CADM2: variants seen among roughly 807,000 people sequenced by gnomAD.
The protein encoded by CADM2 is immunoglobulin superfamily member 4D.
CADM2 carries 12 observed loss-of-function variants against 49.8 expected under a neutral mutation model. The observed-to-expected ratio is 0.24, with a 90% confidence interval of 0.15 to 0.39. CADM2 has a LOEUF of 0.39. Ranked by LOEUF, CADM2 falls within the 10% of genes least tolerant of loss-of-function variation. The probability of loss-of-function intolerance (pLI) is 1.00; values close to 1 mark genes in which losing one functional copy is unlikely to be tolerated. For missense variants in CADM2, 378 were observed against 492.3 expected (o/e 0.77, Z 2.20); for synonymous variants, 214 against 175.4 (o/e 1.22, Z -1.74).
At chr3:85,225,829 G>T (rs1397266125) in intron 1 of CADM2, among the ~76,000 whole-genome samples, 2 of 152,082 alleles carry the variant, frequency 1.3e-5, no homozygotes, top group African/African-American at 2.4e-5. Flanking sequence ...AAATTTTGTT[G>T]AAGGCCTTTT....
At chr3:85,490,373 G>C (rs187635883) in intron 1 of CADM2, among the ~76,000 whole-genome samples, 10 of 151,402 alleles carry the variant, frequency 6.6e-5, no homozygotes, top group African/African-American at 2.4e-4. Context: ...TTTTAGAATA[G>C]AGATCATTTT....
chr3:85,069,262 A>G (rs1478733001), intron 1 of CADM2, among the ~76,000 whole-genome samples: 3 of 152,054 alleles, frequency 2.0e-5, no homozygotes, highest in Admixed American at 2.0e-4. Flanking sequence ...ATAATTATAG[A>G]ATTATAATTT....
intron 3 of CADM2, among the ~76,000 whole-genome samples, chr3:85,859,537 T>C (rs1261687551): frequency 2.0e-5 from 3 of 152,148 alleles, no homozygotes; most frequent in Admixed American, 1.3e-4. Flanking sequence ...TGGCCCATCC[T>C]GTGCTTTTCT....
chr3:85,419,131 T>C (rs1284035469), intron 1 of CADM2, among the ~76,000 whole-genome samples: 3 of 152,228 alleles, frequency 2.0e-5, no homozygotes, highest in African/African-American at 4.8e-5. Context: ...AGCCACTCAT[T>C]GCACAACATT....
chr3:85,704,705 C>T (rs1016007279), intron 1 of CADM2, among the ~76,000 whole-genome samples: 6 of 151,622 alleles, frequency 4.0e-5, no homozygotes, highest in African/African-American at 1.5e-4. Flanking sequence ...TAGGCTATAG[C>T]ACCTTAAAAA....
chr3:85,183,088 T>C (rs1348857857), intron 1 of CADM2, among the ~76,000 whole-genome samples: 5 of 152,094 alleles, frequency 3.3e-5, no homozygotes, highest in Non-Finnish European at 5.9e-5. Context: ...GAATCTCCTT[T>C]CCAGATGATG....
chr3:85,411,024 G>T (rs2035631652), intron 1 of CADM2, among the ~76,000 whole-genome samples: 1 of 152,182 alleles, frequency 6.6e-6, no homozygotes, highest in African/African-American at 2.4e-5. Flanking sequence ...CCAATAGAAA[G>T]AATAAGTATT....
At chr3:85,195,075 T>C (rs1402289169) in intron 1 of CADM2, among the ~76,000 whole-genome samples, 2 of 152,040 alleles carry the variant, frequency 1.3e-5, no homozygotes, top group African/African-American at 4.8e-5. Context: ...GTTTAAAATC[T>C]ACTGAAATAT....
At position 85,830,880 on chromosome 3, in the gene CADM2, C is replaced by T. The variant is rs1055522099; in HGVS notation, c.238+28684C>T. ...CAGGCCCAGGGGGTACATGTGCAGG[C>T]TTGTTACATGGATGAATTGCATGCT... On this transcript the variant is annotated intron_variant, in intron 3 of 9. Transcript: ENST00000383699. Among the ~76,000 whole-genome samples the T allele has an allele frequency of 8.0e-5, 12 of 150,588 alleles. No individual in the cohort carries two copies. In the East Asian group the frequency reaches 2.2e-3, roughly 27 times the overall value.
intron 1 of CADM2, among the ~76,000 whole-genome samples, chr3:85,543,677 T>C (rs2061602502): frequency 6.6e-6 from 1 of 152,112 alleles, no homozygotes; most frequent in Admixed American, 6.6e-5. Flanking sequence ...GGGTCACAGT[T>C]CTTGATGCTG....
intron 1 of CADM2, among the ~76,000 whole-genome samples, chr3:85,195,590 CA>C (rs1356969740): frequency 2.7e-5 from 4 of 150,672 alleles, no homozygotes; most frequent in African/African-American, 9.8e-5. Context: ...GTAATTGATT[CA>C]AAAAATGTCA....
At chr3:85,647,411 T>C (rs1396211593) in intron 1 of CADM2, among the ~76,000 whole-genome samples, 1 of 151,678 alleles carries the variant, frequency 6.6e-6, no homozygotes, top group Admixed American at 6.6e-5. Flanking sequence ...TTTTGTGGAA[T>C]ATATATATTT....
chr3:85,928,390 C>G (rs1577687444), intron 6 of CADM2, among the ~76,000 whole-genome samples: 1 of 152,078 alleles, frequency 6.6e-6, no homozygotes, highest in Non-Finnish European at 1.5e-5. Context: ...ATCTCCTGAC[C>G]TCATGATCCG....
chr3:85,225,075 G>T (rs1037017822), intron 1 of CADM2, among the ~76,000 whole-genome samples: 1 of 152,088 alleles, frequency 6.6e-6, no homozygotes, highest in African/African-American at 2.4e-5. Context: ...GATTGTCTTG[G>T]CTATGCTCGC....
intron 5 of CADM2, among the ~76,000 whole-genome samples, chr3:85,896,184 G>A (rs886340916): frequency 6.6e-6 from 1 of 152,114 alleles, no homozygotes; most frequent in African/African-American, 2.4e-5. Context: ...TGCTTGGGAG[G>A]CTGAGGTTGG....
intron 1 of CADM2, among the ~76,000 whole-genome samples, chr3:84,967,851 G>A (rs2107071890): frequency 6.6e-6 from 1 of 152,010 alleles, no homozygotes; most frequent in East Asian, 1.9e-4. Context: ...TGTTACTATT[G>A]CATTTTTTTG....
chr3:85,514,484 G>A lies in CADM2; in HGVS notation c.62-212038G>A, dbSNP rs2060847247. On this transcript the variant is annotated intron_variant, in intron 1 of 9. Transcript: ENST00000383699. ...ATCTTTGAAATGTAAGCAAAAATGTGTTTGTCCTAGGAAGGACATTCAATA... is the reference window on the plus strand; with the variant it reads ...ATCTTTGAAATGTAAGCAAAAATGTATTTGTCCTAGGAAGGACATTCAATA... Among the ~76,000 whole-genome samples, 3 of 151,988 alleles carry A rather than the reference G, an allele frequency of 2.0e-5. No individual in the cohort carries two copies. In the South Asian group the frequency reaches 6.2e-4, roughly 32 times the overall value.
intron 1 of CADM2, among the ~76,000 whole-genome samples, chr3:85,229,399 C>A (rs2042233978): frequency 6.6e-6 from 1 of 152,254 alleles, no homozygotes; most frequent in African/African-American, 2.4e-5. Flanking sequence ...TCTCCCGACC[C>A]CTTGTGCTTC....
intron 7 of CADM2, among the ~76,000 whole-genome samples, chr3:85,955,609 C>T (rs920939240): frequency 4.0e-5 from 6 of 151,382 alleles, no homozygotes; most frequent in South Asian, 2.1e-4. Flanking sequence ...TATAACTGCA[C>T]AGAATAAATG....
Sources: gnomAD v4.1 joint callset for allele counts (sites outside exome capture counted in the v4.1 genomes callset) on GRCh38, gnomAD v4.1.1 for gene constraint, MANE v1.5 for transcripts, NCBI Gene and HGNC (gene_info 2026-07-23, HGNC 2026-07-21) for gene names.